MMP16: variants seen among roughly 807,000 people sequenced by gnomAD.
The protein encoded by MMP16 is matrix metalloproteinase-16.
In MMP16, 12 loss-of-function variants were observed where a neutral mutation model predicts 67.8. The ratio of observed to expected loss-of-function variants is 0.18; its 90% confidence interval spans 0.11 to 0.29. The LOEUF (loss-of-function observed/expected upper bound fraction) is 0.29. Among genes scored for constraint, MMP16 ranks in the 10% least tolerant of loss-of-function variants. The pLI is 1.00. For missense variants in MMP16, 475 were observed against 765.7 expected (o/e 0.62, Z 4.48); for synonymous variants, 249 against 255.9 (o/e 0.97, Z 0.26).
chr8:88,221,239 C>T (rs989332035), intron 1 of MMP16, among the ~76,000 whole-genome samples: 1 of 152,034 alleles, frequency 6.6e-6, no homozygotes, highest in Non-Finnish European at 1.5e-5. Context: ...TTTCTTCAGG[C>T]CCTAATACTT....
chr8:88,306,013 G>GA (rs2130054620), intron 1 of MMP16, among the ~76,000 whole-genome samples: 1 of 146,906 alleles, frequency 6.8e-6, no homozygotes, highest in African/African-American at 2.5e-5. Context: ...TTTTTTTTTT[G>GA]AAAAAATTAA....
intron 2 of MMP16, among the ~76,000 whole-genome samples, chr8:88,189,177 G>C (rs747889831): frequency 2.0e-5 from 3 of 152,082 alleles, no homozygotes; most frequent in Non-Finnish European, 4.4e-5. Flanking sequence ...TGGATTAGAA[G>C]ATGAAGAAAA....
In MMP16 at chr8:88,052,999, G is replaced by C. The variant is rs946519059; in HGVS notation, c.1373+3129C>G. 3.3e-5 allele frequency among the ~76,000 whole-genome samples: 5 copies of C among 152,166 alleles called. No individual in the cohort carries two copies. The East Asian group carries it at 9.6e-4, about 29-fold the overall frequency. The stretch of plus-strand genomic sequence containing the variant: ...ACACAGTCTAAGTGCCATGAAACTA[G>C]GAGCTCTGTGGTCTTTCTACTACTC... On this transcript the variant is annotated intron_variant, in intron 8 of 9. Transcript: ENST00000286614.
intron 1 of MMP16, among the ~76,000 whole-genome samples, chr8:88,234,910 T>C (rs949621877): frequency 6.6e-6 from 1 of 152,208 alleles, no homozygotes; most frequent in African/African-American, 2.4e-5. Context: ...AAATGTATTT[T>C]ACTCAAACCA....
intron 4 of MMP16, among the ~76,000 whole-genome samples, chr8:88,159,626 T>C (rs963143824): frequency 6.6e-6 from 1 of 152,088 alleles, no homozygotes; most frequent in South Asian, 2.1e-4. Flanking sequence ...CCTTTATTTC[T>C]TTCTCCTGCC....
Position 88,099,118 on chromosome 8 carries a change from C to T in MMP16, c.1083+17389G>A, listed in dbSNP as rs944588422. Among the ~76,000 whole-genome samples, 16 of 151,382 alleles carry T rather than the reference C, an allele frequency of 1.1e-4. No homozygotes were observed. The East Asian group carries it at 1.4e-3, about 13-fold the overall frequency. On this transcript the variant is annotated intron_variant, in intron 6 of 9. Transcript: ENST00000286614. ...AATTTTATGTACATGTTCTAAATTT[C>T]ATATATTCAAATTCTATGTACGTTC...
chr8:88,286,637 G>A (rs548154597), intron 1 of MMP16, among the ~76,000 whole-genome samples: 8 of 151,720 alleles, frequency 5.3e-5, no homozygotes, highest in Middle Eastern at 3.4e-3. Context: ...GTGCAGTGGC[G>A]CGATCTTTGC....
intron 1 of MMP16, among the ~76,000 whole-genome samples, chr8:88,291,130 A>C (rs1036539365): frequency 3.3e-5 from 5 of 151,878 alleles, no homozygotes; most frequent in African/African-American, 1.2e-4. Context: ...ATTTTTTTAA[A>C]GTTAGCCAGA....
intron 1 of MMP16, among the ~76,000 whole-genome samples, chr8:88,263,462 C>T (rs1295470386): frequency 6.6e-6 from 1 of 152,126 alleles, no homozygotes; most frequent in Non-Finnish European, 1.5e-5. Flanking sequence ...CTAGGGCTGA[C>T]ATAACAAATA....
intron 2 of MMP16, among the ~76,000 whole-genome samples, chr8:88,187,075 T>A (rs1296787673): frequency 6.6e-6 from 1 of 152,214 alleles, no homozygotes; most frequent in Non-Finnish European, 1.5e-5. Flanking sequence ...CTAATTTACA[T>A]AGCAGTCAAC....
At chr8:88,060,807 T>C (rs1586128805) in intron 7 of MMP16, among the ~76,000 whole-genome samples, 1 of 151,992 alleles carries the variant, frequency 6.6e-6, no homozygotes, top group South Asian at 2.1e-4. Context: ...GTTTGGAAAG[T>C]AGGTGCTTAA....
chr8:88,283,355 G>A (rs1810771643), intron 1 of MMP16, among the ~76,000 whole-genome samples: 1 of 152,106 alleles, frequency 6.6e-6, no homozygotes, highest in African/African-American at 2.4e-5. Context: ...ATGCTTCTGG[G>A]TATAGGTGCT....
chr8:88,100,877 A>T (rs1309410882), intron 6 of MMP16, among the ~76,000 whole-genome samples: 1 of 151,796 alleles, frequency 6.6e-6, no homozygotes, highest in African/African-American at 2.4e-5. Context: ...TATTGCAAGA[A>T]CAAAAAACCA....
chr8:88,124,368 T>A (rs187849989), intron 4 of MMP16, among the ~76,000 whole-genome samples: 1 of 152,112 alleles, frequency 6.6e-6, no homozygotes, highest in African/African-American at 2.4e-5. Flanking sequence ...TTTATTATTA[T>A]TACCATTCTA....
intron 1 of MMP16, among the ~76,000 whole-genome samples, chr8:88,309,146 T>C (rs1232789599): frequency 6.6e-6 from 1 of 152,054 alleles, no homozygotes; most frequent in African/African-American, 2.4e-5. Flanking sequence ...TCCAGAAATT[T>C]CGTTACATAA....
At chr8:88,269,056 C>A (rs1166193415) in intron 1 of MMP16, among the ~76,000 whole-genome samples, 1 of 152,114 alleles carries the variant, frequency 6.6e-6, no homozygotes, top group Non-Finnish European at 1.5e-5. Flanking sequence ...ATATAACAGA[C>A]AGTAAGAAGC....
At chr8:88,281,645 C>T (rs1810738754) in intron 1 of MMP16, among the ~76,000 whole-genome samples, 1 of 152,148 alleles carries the variant, frequency 6.6e-6, no homozygotes, top group African/African-American at 2.4e-5. Context: ...TACCAGGCCC[C>T]CAAAGCTCAG....
At chr8:88,321,264 A>G (rs1178323752) in intron 1 of MMP16, among the ~76,000 whole-genome samples, 2 of 152,168 alleles carry the variant, frequency 1.3e-5, no homozygotes, top group Non-Finnish European at 2.9e-5. Flanking sequence ...TAATTTCACT[A>G]CAAAATATGT....
chr8:88,308,724 C>G (rs1012666301), intron 1 of MMP16, among the ~76,000 whole-genome samples: 7 of 151,936 alleles, frequency 4.6e-5, no homozygotes, highest in Non-Finnish European at 1.0e-4. Flanking sequence ...TGAAATGCTG[C>G]AGATTTGAAA....
Sources: gnomAD v4.1 joint callset for allele counts (sites outside exome capture counted in the v4.1 genomes callset) on GRCh38, gnomAD v4.1.1 for gene constraint, MANE v1.5 for transcripts, NCBI Gene and HGNC (gene_info 2026-07-23, HGNC 2026-07-21) for gene names.